The following PDE4D variants were observed in gnomAD, a reference collection of about 807,000 sequenced individuals.
The protein encoded by PDE4D is phosphodiesterase 4D.
Under a neutral mutation model 87.4 loss-of-function variants are expected in PDE4D, and 24 were observed. The observed-to-expected ratio is 0.27, with a 90% confidence interval of 0.20 to 0.39. The LOEUF (loss-of-function observed/expected upper bound fraction) is 0.39, where lower values mean the gene tolerates loss of function less well. Ranked by LOEUF, PDE4D falls within the 10% of genes least tolerant of loss-of-function variation. The pLI is 1.00. For synonymous variants in PDE4D, 384 were observed against 383.2 expected, an observed-to-expected ratio of 1.00 and a Z score of -0.02; for missense variants, 714 against 1,041.0, an observed-to-expected ratio of 0.69 and a Z score of 4.32.
Position 59,005,436 on chromosome 5 carries a change from C to A in PDE4D, c.922-11971G>T, listed in dbSNP as rs770836311. 2.4e-4 allele frequency among the ~76,000 whole-genome samples: 36 copies of A among 152,118 alleles called. 1 individual carries two copies. The highest frequency in any genetic ancestry group is 1.0e-4 in the Non-Finnish European group (7 of 68,000). ...ATTTCTAGGGAATAAGAAATCTTTT[C>A]AAAAATCTCTGAGCCAAATTAAAAT... On this transcript the variant is annotated intron_variant, in intron 6 of 14. Transcript: ENST00000340635.
chr5:59,481,377 A>C (rs1441624286), intron 1 of PDE4D, among the ~76,000 whole-genome samples: 1 of 152,024 alleles, frequency 6.6e-6, no homozygotes, highest in East Asian at 1.9e-4. Context: ...TAGTCCAAAA[A>C]AAAAAAAAAG....
At chr5:60,345,051 T>C (rs1291826539) in intron 1 of PDE4D, among the ~76,000 whole-genome samples, 2 of 152,182 alleles carry the variant, frequency 1.3e-5, no homozygotes, top group South Asian at 2.1e-4. Context: ...GATTATACTA[T>C]ATACGTATTA....
intron 1 of PDE4D, among the ~76,000 whole-genome samples, chr5:59,690,399 C>T (rs920455913): frequency 9.2e-5 from 14 of 152,122 alleles, no homozygotes; most frequent in African/African-American, 3.4e-4. Context: ...GAATAGAGCC[C>T]TCAGAAATAA....
At chr5:59,788,662 A>AG (rs1301234283) in intron 1 of PDE4D, among the ~76,000 whole-genome samples, 1 of 152,242 alleles carries the variant, frequency 6.6e-6, no homozygotes, top group African/African-American at 2.4e-5. Context: ...GGTTCCAAGA[A>AG]GGGGGATGTG....
At chr5:60,323,376 A>C (rs1193206458) in intron 1 of PDE4D, among the ~76,000 whole-genome samples, 1 of 152,182 alleles carries the variant, frequency 6.6e-6, no homozygotes, top group African/African-American at 2.4e-5. Flanking sequence ...CTGTCAGATA[A>C]ACTTAGTATC....
chr5:59,792,920 C>G (rs1401049747), intron 1 of PDE4D, among the ~76,000 whole-genome samples: 3 of 152,148 alleles, frequency 2.0e-5, no homozygotes, highest in African/African-American at 7.2e-5. Context: ...TAAAAAATGA[C>G]TGTAGGCTTC....
chr5:59,441,420 C>T (rs558404296), intron 1 of PDE4D, among the ~76,000 whole-genome samples: 1 of 152,290 alleles, frequency 6.6e-6, no homozygotes, highest in African/African-American at 2.4e-5. Flanking sequence ...ATATGAAAAC[C>T]TCAGATTATC....
intron 1 of PDE4D, among the ~76,000 whole-genome samples, chr5:59,771,589 T>C (rs1763592905): frequency 6.6e-6 from 1 of 151,458 alleles, no homozygotes; most frequent in Admixed American, 6.6e-5. Flanking sequence ...GGGAAATTCA[T>C]TGAATGCAAG....
intron 3 of PDE4D, among the ~76,000 whole-genome samples, chr5:59,961,122 A>T (rs1252909788): frequency 6.6e-6 from 1 of 152,146 alleles, no homozygotes; most frequent in Non-Finnish European, 1.5e-5. Flanking sequence ...ACAAAAGATA[A>T]GTTCACCCGG....
intron 6 of PDE4D, among the ~76,000 whole-genome samples, chr5:58,995,273 A>G (rs1179379227): frequency 6.6e-6 from 1 of 152,182 alleles, no homozygotes; most frequent in Non-Finnish European, 1.5e-5. Flanking sequence ...GCTGGAAGAT[A>G]ACCACAGATA....
chr5:59,202,033 A>ATTTTTTTTTTTTTTTTT (rs10641798), intron 2 of PDE4D, among the ~76,000 whole-genome samples: 1 of 95,258 alleles, frequency 1.0e-5, no homozygotes, highest in Admixed American at 1.6e-4. Flanking sequence ...TGTTTTGATC[A>ATTTTTTTTTTTTTTTTT]TTTTTTTTTT....
intron 1 of PDE4D, chr5:60,459,774 GAA>G (rs1746779847): frequency 1.7e-5 from 8 of 475,296 alleles, no homozygotes; most frequent in South Asian, 1.7e-4. Context: ...AGAGGAAAAA[GAA>G]AAGACTGGAA....
intron 1 of PDE4D, among the ~76,000 whole-genome samples, chr5:59,559,593 T>C (rs534876962): frequency 1.3e-5 from 2 of 152,302 alleles, no homozygotes; most frequent in African/African-American, 4.8e-5. Context: ...AACTTCCTGA[T>C]GTGAAAACTT....
At chr5:59,471,198 T>C (rs1003898727) in intron 1 of PDE4D, among the ~76,000 whole-genome samples, 1 of 152,120 alleles carries the variant, frequency 6.6e-6, no homozygotes, top group African/African-American at 2.4e-5. Flanking sequence ...TGAGCCATGA[T>C]CCTGCCACTG....
intron 1 of PDE4D, among the ~76,000 whole-genome samples, chr5:60,371,152 G>A (rs1760995360): frequency 6.6e-6 from 1 of 152,198 alleles, no homozygotes; most frequent in Non-Finnish European, 1.5e-5. Context: ...GAGCTATCAG[G>A]ATCTACTCTG....
At chr5:59,025,073 T>C (rs932680771) in intron 6 of PDE4D, among the ~76,000 whole-genome samples, 2 of 152,170 alleles carry the variant, frequency 1.3e-5, no homozygotes, top group African/African-American at 4.8e-5. Context: ...TCTTAATTTT[T>C]AACAGGATTA....
At chr5:59,229,530 G>A (rs1357834086) in intron 1 of PDE4D, among the ~76,000 whole-genome samples, 2 of 152,060 alleles carry the variant, frequency 1.3e-5, no homozygotes, top group East Asian at 3.9e-4. Context: ...TGTGGTACAC[G>A]AAGATTATAC....
At chr5:59,050,748 TG>T (rs1761429046) in intron 5 of PDE4D, among the ~76,000 whole-genome samples, 1 of 152,296 alleles carries the variant, frequency 6.6e-6, no homozygotes, top group South Asian at 2.1e-4. Flanking sequence ...TTGTTCTAGT[TG>T]TATTATCTGA....
At chr5:59,421,843 AC>A (rs1435449455) in intron 1 of PDE4D, among the ~76,000 whole-genome samples, 4 of 152,104 alleles carry the variant, frequency 2.6e-5, no homozygotes, top group African/African-American at 2.4e-5. Flanking sequence ...CTGTCTGATT[AC>A]TTTTGTACTC....
Sources: gnomAD v4.1 joint callset for allele counts (sites outside exome capture counted in the v4.1 genomes callset) on GRCh38, gnomAD v4.1.1 for gene constraint, MANE v1.5 for transcripts, NCBI Gene and HGNC (gene_info 2026-07-23, HGNC 2026-07-21) for gene names.